The following PRCP variants were observed in gnomAD, a reference collection of about 807,000 sequenced individuals.
PRCP encodes the protein prolylcarboxypeptidase.
Under a neutral mutation model 54.2 loss-of-function variants are expected in PRCP, and 46 were observed. The observed-to-expected ratio is 0.85, with a 90% CI of 0.67 to 1.09. The LOEUF (loss-of-function observed/expected upper bound fraction) is 1.09. Ranked by LOEUF, PRCP falls within the 50% of genes least tolerant of loss-of-function variation. PRCP has a pLI of 0.00. For missense variants in PRCP, 613 were observed against 596.8 expected (o/e 1.03, Z -0.28); for synonymous variants, 240 against 212.2 (o/e 1.13, Z -1.14).
At position 82,838,567 on chromosome 11, in the gene PRCP, G is replaced by C. The variant is rs1164412742; in HGVS notation, c.1094C>G (p.Thr365Arg). The C allele has an allele frequency of 1.2e-6, 2 of 1,612,018 alleles. No individual in the cohort carries two copies. The highest frequency in any genetic ancestry group is 1.7e-6 in the Non-Finnish European group (2 of 1,179,304). Residue 365 changes from threonine to arginine, a missense_variant, in exon 8 of 9, where the codon ACA becomes AGA. Coordinates refer to ENST00000313010, the MANE Select transcript of PRCP (RefSeq NM_005040.4). The stretch of plus-strand genomic sequence containing the variant: ...AGTACAAAAGGGCATGACTACTTCT[G>C]TGCAGGCCTAAGAAGCAAACCAAGA... ...GTLGWSYQAC[T>R]EVVMPFCTNG... is the part of the protein sequence containing the mutation.
chr11:82,898,980 AT>A (rs772339600), intron 1 of PRCP, among the ~76,000 whole-genome samples: 123 of 135,416 alleles, frequency 9.1e-4, no homozygotes, highest in Admixed American at 1.9e-3. Flanking sequence ...TCCCATCTCT[AT>A]TTTTAAAAAT....
intron 8 of PRCP, chr11:82,836,196 G>GAAAAAAAAAAAAAAAAA (rs1171193255): frequency 8.0e-6 from 1 of 125,290 alleles, no homozygotes; most frequent in Non-Finnish European, 1.7e-5. Flanking sequence ...CCATCTCGAG[G>GAAAAAAAAAAAAAAAAA]AAAAAAAAAA....
chr11:82,894,088 G>C (rs1393851895), intron 1 of PRCP, among the ~76,000 whole-genome samples: 1 of 151,660 alleles, frequency 6.6e-6, no homozygotes, highest in Admixed American at 6.6e-5. Flanking sequence ...TATCCTGTCA[G>C]AACCATATAA....
chr11:82,831,761 T>A (rs1005363533), intron 8 of PRCP, among the ~76,000 whole-genome samples: 1 of 152,160 alleles, frequency 6.6e-6, no homozygotes, highest in East Asian at 1.9e-4. Context: ...GAGATACATG[T>A]GCAGAATGTG....
intron 1 of PRCP, among the ~76,000 whole-genome samples, chr11:82,895,378 A>G (rs1005025370): frequency 1.4e-4 from 21 of 152,108 alleles, no homozygotes; most frequent in Non-Finnish European, 2.9e-4. Context: ...TATGTTGCCC[A>G]ACCTGGTCTC....
intron 3 of PRCP, among the ~76,000 whole-genome samples, chr11:82,851,370 A>C (rs1858949553): frequency 6.6e-6 from 1 of 151,490 alleles, no homozygotes; most frequent in Non-Finnish European, 1.5e-5. Context: ...TGCAGCTTCC[A>C]CCTTGCTCTC....
intron 1 of PRCP, among the ~76,000 whole-genome samples, chr11:82,898,277 TTTGCATATCA>T (rs1269015646): frequency 6.6e-6 from 1 of 152,204 alleles, no homozygotes; most frequent in Non-Finnish European, 1.5e-5. Flanking sequence ...AAAGCTGGAC[TTTGCATATCA>T]TCAAAAATGG....
At chr11:82,825,974 T>G (rs1238170892) in intron 8 of PRCP, 4 of 152,200 alleles carry the variant, frequency 2.6e-5, no homozygotes, top group African/African-American at 9.7e-5. Flanking sequence ...TGTTGAGATA[T>G]AATTCATCTA....
At chr11:82,860,632 C>T (rs2127362) in intron 1 of PRCP, among the ~76,000 whole-genome samples, 14,782 of 152,010 alleles carry the variant, frequency 0.097, 1,264 homozygotes, top group African/African-American at 0.23. Context: ...GTATATAATA[C>T]ATCCCATTAT....
At chr11:82,833,369 AAG>A (rs1356676305) in intron 8 of PRCP, among the ~76,000 whole-genome samples, 1 of 152,236 alleles carries the variant, frequency 6.6e-6, no homozygotes, top group African/African-American at 2.4e-5. Flanking sequence ...AAAATGGAAA[AAG>A]AGGATGAGAA....
Position 82,856,191 on chromosome 11 carries a change from C to T in PRCP, c.310-2913G>A, listed in dbSNP as rs541593113. Among the ~76,000 whole-genome samples, 9 of 152,080 alleles carry T rather than the reference C, an allele frequency of 5.9e-5. No individual in the cohort carries two copies. The South Asian group carries it at 1.9e-3, about 32-fold the overall frequency. On this transcript the variant is annotated intron_variant, in intron 2 of 8. Transcript: ENST00000313010. The stretch of plus-strand genomic sequence containing the variant: ...ATAAAAATTTAAAATAAAAATAAAC[C>T]ATTCTACCAAAAAGACACATGCACT...
At chr11:82,851,462 C>G (rs963822452) in intron 3 of PRCP, among the ~76,000 whole-genome samples, 1 of 149,414 alleles carries the variant, frequency 6.7e-6, no homozygotes, top group Non-Finnish European at 1.5e-5. Context: ...TGTCAACATC[C>G]AGCACCAGTT....
intron 1 of PRCP, among the ~76,000 whole-genome samples, chr11:82,883,952 G>A (rs1591070278): frequency 1.3e-5 from 2 of 152,174 alleles, no homozygotes; most frequent in Admixed American, 1.3e-4. Flanking sequence ...CAACGCCAAG[G>A]AGAAGAGAGT....
intron 2 of PRCP, among the ~76,000 whole-genome samples, 157 bp downstream of exon 2, chr11:82,859,820 T>C (rs1326879784): frequency 6.6e-6 from 1 of 152,164 alleles, no homozygotes; most frequent in Non-Finnish European, 1.5e-5. Flanking sequence ...GCTTTTGCTA[T>C]TTTTCTATTA....
At chr11:82,880,209 A>G (rs1859711532) in intron 1 of PRCP, among the ~76,000 whole-genome samples, 1 of 152,144 alleles carries the variant, frequency 6.6e-6, no homozygotes, top group African/African-American at 2.4e-5. Flanking sequence ...CTTCCCGGCC[A>G]CTTTGTTTAC....
chr11:82,901,326 C>G (rs560091421), upstream of PRCP: 60 of 208,528 alleles, frequency 2.9e-4, no homozygotes, highest in African/African-American at 1.1e-3. Context: ...GCTCCACCCC[C>G]CTCCTGCCTC....
intron 8 of PRCP, among the ~76,000 whole-genome samples, chr11:82,837,434 A>C (rs1019350271): frequency 2.6e-5 from 4 of 152,246 alleles, no homozygotes; most frequent in African/African-American, 9.6e-5. Context: ...TGTCAGAGAA[A>C]TGCGACATGG....
chr11:82,896,668 G>C (rs1860126063), intron 1 of PRCP, among the ~76,000 whole-genome samples: 1 of 107,542 alleles, frequency 9.3e-6, no homozygotes, highest in Non-Finnish European at 1.7e-5. Context: ...AACAGAGCGA[G>C]ACTCCAACTC....
chr11:82,898,108 G>A (rs962585997), intron 1 of PRCP, among the ~76,000 whole-genome samples: 2 of 152,056 alleles, frequency 1.3e-5, no homozygotes, highest in African/African-American at 4.8e-5. Context: ...TTATAATTAT[G>A]CAATAAATAC....
Sources: gnomAD v4.1 joint callset for allele counts (sites outside exome capture counted in the v4.1 genomes callset) on GRCh38, gnomAD v4.1.1 for gene constraint, MANE v1.5 for transcripts, NCBI Gene and HGNC (gene_info 2026-07-23, HGNC 2026-07-21) for gene names.